The following MICU1 variants were observed in gnomAD, a reference collection of about 807,000 sequenced individuals.
MICU1 encodes the protein calcium uptake protein 1, mitochondrial.
MICU1 carries 45 observed loss-of-function variants against 56.8 expected under a neutral mutation model. The ratio of observed to expected loss-of-function variants is 0.79; its 90% CI spans 0.62 to 1.02. The LOEUF (loss-of-function observed/expected upper bound fraction) is 1.02, where lower values mean the gene tolerates loss of function less well. Ranked by LOEUF, MICU1 falls within the 50% of genes least tolerant of loss-of-function variation. The pLI, the probability that MICU1 is intolerant of heterozygous loss-of-function variation, is 0.00. For missense variants in MICU1, 504 were observed against 587.1 expected (o/e 0.86, Z 1.46); for synonymous variants, 186 against 195.1 (o/e 0.95, Z 0.39).
intron 5 of MICU1, among the ~76,000 whole-genome samples, chr10:72,515,960 T>C (rs149105081): frequency 4.5e-4 from 69 of 152,224 alleles, no homozygotes; most frequent in Non-Finnish European, 7.9e-4. Flanking sequence ...CTCAGCATAA[T>C]GTGGGGAAGA....
intron 6 of MICU1, among the ~76,000 whole-genome samples, chr10:72,493,104 A>C (rs1866718891): frequency 6.6e-6 from 1 of 152,132 alleles, no homozygotes; most frequent in Admixed American, 6.5e-5. Context: ...TTACCCCCCA[A>C]ACATCCTTAA....
chr10:72,402,487 G>A (rs1236109382), intron 10 of MICU1, among the ~76,000 whole-genome samples: 1 of 152,020 alleles, frequency 6.6e-6, no homozygotes, highest in Non-Finnish European at 1.5e-5. Context: ...GCTAATTGGA[G>A]TATATATTCA....
chr10:72,551,985 T>C (rs1054710627), intron 3 of MICU1, among the ~76,000 whole-genome samples: 1 of 152,170 alleles, frequency 6.6e-6, no homozygotes, highest in African/African-American at 2.4e-5. Flanking sequence ...TCTACTTCTA[T>C]GTAATTTCCT....
chr10:72,602,659 G>A (rs898719058), intron 1 of MICU1, among the ~76,000 whole-genome samples: 5 of 152,150 alleles, frequency 3.3e-5, no homozygotes, highest in Non-Finnish European at 7.3e-5. Flanking sequence ...AAGAAATAAG[G>A]TAAATATAAA....
chr10:72,592,834 G>A (rs1388134784), intron 1 of MICU1, among the ~76,000 whole-genome samples: 1 of 149,336 alleles, frequency 6.7e-6, no homozygotes, highest in Non-Finnish European at 1.5e-5. Flanking sequence ...CCAGGCTGGA[G>A]AGCAATGGCG....
At chr10:72,467,526 G>A (rs1865831155) in intron 8 of MICU1, among the ~76,000 whole-genome samples, 1 of 151,896 alleles carries the variant, frequency 6.6e-6, no homozygotes, top group Non-Finnish European at 1.5e-5. Context: ...CGCCATGTTG[G>A]CCAGGCTGGT....
At chr10:72,500,326 T>C (rs1333585480) in intron 6 of MICU1, among the ~76,000 whole-genome samples, 1 of 65,726 alleles carries the variant, frequency 1.5e-5, no homozygotes, top group Admixed American at 1.7e-4. Flanking sequence ...TTTTTTTTTT[T>C]TTTTTTTGAG....
chr10:72,534,036 C>T (rs1023048222), intron 4 of MICU1, among the ~76,000 whole-genome samples: 1 of 152,024 alleles, frequency 6.6e-6, no homozygotes. Context: ...CAAACCTATT[C>T]AACAGTAGAG....
At chr10:72,519,292 A>G (rs959372016) in intron 5 of MICU1, among the ~76,000 whole-genome samples, 9 of 152,232 alleles carry the variant, frequency 5.9e-5, no homozygotes, top group African/African-American at 2.2e-4. Context: ...TACTTATTTC[A>G]AAACTTAAAG....
chr10:72,625,517 C>G (rs1203101115), intron 1 of MICU1, among the ~76,000 whole-genome samples: 1 of 152,218 alleles, frequency 6.6e-6, no homozygotes, highest in Non-Finnish European at 1.5e-5. Context: ...ACTGAACAGT[C>G]CGAGTAGCCT....
chr10:72,491,812 G>A (rs12354922), intron 6 of MICU1, among the ~76,000 whole-genome samples: 8 of 150,834 alleles, frequency 5.3e-5, no homozygotes, highest in Non-Finnish European at 8.8e-5. Context: ...TAATTTCTGC[G>A]TACAGAGATA....
At chr10:72,476,094 G>A (rs1395966897) in intron 7 of MICU1, among the ~76,000 whole-genome samples, 2 of 151,966 alleles carry the variant, frequency 1.3e-5, no homozygotes, top group Non-Finnish European at 2.9e-5. Flanking sequence ...GGGTGTGGTG[G>A]TGGGTGCCTA....
At chr10:72,431,445 G>A (rs527517865) in intron 8 of MICU1, among the ~76,000 whole-genome samples, 3 of 152,146 alleles carry the variant, frequency 2.0e-5, no homozygotes, top group South Asian at 2.1e-4. Flanking sequence ...CACTATTTAC[G>A]TATCAGCTTT....
At chr10:72,592,085 C>G (rs538486862) in intron 1 of MICU1, among the ~76,000 whole-genome samples, 2 of 150,200 alleles carry the variant, frequency 1.3e-5, no homozygotes, top group South Asian at 4.2e-4. Context: ...TCCTGGCTCA[C>G]TGCAACCTCC....
intron 8 of MICU1, among the ~76,000 whole-genome samples, chr10:72,466,850 GA>G (rs1177744984): frequency 6.6e-6 from 1 of 152,170 alleles, no homozygotes; most frequent in African/African-American, 2.4e-5. Context: ...ACTTTAAAAA[GA>G]TGGGTAGAAA....
intron 4 of MICU1, among the ~76,000 whole-genome samples, chr10:72,537,503 T>A (rs1839665781): frequency 6.6e-6 from 1 of 152,328 alleles, no homozygotes; most frequent in East Asian, 1.9e-4. Context: ...AGACTATAGC[T>A]ATGTTGTTTT....
chr10:72,373,695 G>A (rs1862424023), intron 11 of MICU1, among the ~76,000 whole-genome samples: 1 of 152,158 alleles, frequency 6.6e-6, no homozygotes, highest in African/African-American at 2.4e-5. Flanking sequence ...GACTTGAGAA[G>A]CTAGTTGCAT....
chr10:72,464,682 G>A (rs1005122625), intron 8 of MICU1, among the ~76,000 whole-genome samples: 1 of 152,054 alleles, frequency 6.6e-6, no homozygotes, highest in Non-Finnish European at 1.5e-5. Context: ...ATCTAACAAT[G>A]CATTTCTCAG....
At chr10:72,591,503 G>A (rs1841224185) in intron 1 of MICU1, among the ~76,000 whole-genome samples, 1 of 151,998 alleles carries the variant, frequency 6.6e-6, no homozygotes, top group Non-Finnish European at 1.5e-5. Context: ...AAGAAAGAGA[G>A]AAGCCTTGGC....
Sources: gnomAD v4.1 joint callset for allele counts (sites outside exome capture counted in the v4.1 genomes callset) on GRCh38, gnomAD v4.1.1 for gene constraint, MANE v1.5 for transcripts, NCBI Gene and HGNC (gene_info 2026-07-23, HGNC 2026-07-21) for gene names.